The following C4orf36 variants were observed in gnomAD, a reference collection of about 807,000 sequenced individuals.
C4orf36 encodes uncharacterized protein C4orf36.
Under a neutral mutation model 12.2 loss-of-function variants are expected in C4orf36, and 11 were observed. The ratio of observed to expected loss-of-function variants is 0.90; its 90% CI spans 0.57 to 1.49. The LOEUF (loss-of-function observed/expected upper bound fraction) is 1.49, where lower values mean the gene tolerates loss of function less well. C4orf36 is among the 40% of genes most tolerant of loss of function. The pLI is 0.00. For missense variants in C4orf36, 137 were observed against 133.9 expected, an observed-to-expected ratio of 1.02 and a Z score of -0.11; for synonymous variants, 54 against 51.3, an observed-to-expected ratio of 1.05 and a Z score of -0.22.
chr4:86,879,835 G>A (rs1747004909), intron 4 of C4orf36, among the ~76,000 whole-genome samples: 1 of 138,526 alleles, frequency 7.2e-6, no homozygotes, highest in Admixed American at 7.9e-5. Context: ...TAGACTATAA[G>A]CAGTTTGTTT....
chr4:86,887,736 A>G, intron 4 of C4orf36, 22 bp downstream of exon 4: 1 of 1,614,044 alleles, frequency 6.2e-7, no homozygotes. Flanking sequence ...GACACAGAGT[A>G]CAGATTCAAT....
At chr4:86,879,122 G>A (rs1746988366) in intron 4 of C4orf36, among the ~76,000 whole-genome samples, 1 of 152,144 alleles carries the variant, frequency 6.6e-6, no homozygotes, top group South Asian at 2.1e-4. Flanking sequence ...AATGCCCAAA[G>A]CTCAACAAAA....
chr4:86,916,052 G>C, the C4orf36 span, among the ~76,000 whole-genome samples: 1 of 152,178 alleles, frequency 6.6e-6, no homozygotes, highest in Non-Finnish European at 1.5e-5. Flanking sequence ...TTGCTTTAAG[G>C]CACTTGGTTT....
upstream of C4orf36, among the ~76,000 whole-genome samples, chr4:86,896,939 T>C (rs547112765): frequency 6.6e-6 from 1 of 152,214 alleles, no homozygotes; most frequent in African/African-American, 2.4e-5. Flanking sequence ...TTTTAAAGTA[T>C]ATTGCTGGCC....
chr4:86,909,191 A>G, the C4orf36 span, among the ~76,000 whole-genome samples: 8,968 of 152,292 alleles, frequency 0.059, 367 homozygotes, highest in Non-Finnish European at 0.093. Flanking sequence ...TCTGGGAACT[A>G]TAGTTCCAAC....
At chr4:86,913,391 T>C in the C4orf36 span, 1 of 774,270 alleles carries the variant, frequency 1.3e-6, no homozygotes, top group Non-Finnish European at 2.3e-6. Flanking sequence ...GTGATGCTAT[T>C]CGGGTGCAGC....
chr4:86,900,181 G>A, the C4orf36 span, among the ~76,000 whole-genome samples: 13 of 124,300 alleles, frequency 1.0e-4, no homozygotes, highest in Middle Eastern at 4.2e-3. Flanking sequence ...GACTACAGGC[G>A]CCTGCCACAC....
upstream of C4orf36, among the ~76,000 whole-genome samples, chr4:86,893,463 G>C (rs1305133617): frequency 1.3e-5 from 2 of 152,044 alleles, no homozygotes; most frequent in East Asian, 1.9e-4. Flanking sequence ...GCGCGCGCCT[G>C]TCGTCCCAGC....
intron 4 of C4orf36, among the ~76,000 whole-genome samples, chr4:86,885,031 C>T (rs1007079945): frequency 6.6e-6 from 1 of 152,154 alleles, no homozygotes; most frequent in Non-Finnish European, 1.5e-5. Context: ...GGTATTATTT[C>T]TGAGGGCTCT....
chr4:86,908,543 TG>T, the C4orf36 span, among the ~76,000 whole-genome samples: 1 of 150,984 alleles, frequency 6.6e-6, no homozygotes, highest in Non-Finnish European at 1.5e-5. Flanking sequence ...TAGCCAAAAG[TG>T]TGCAGAAGAG....
At chr4:86,884,298 A>T (rs62305639) in intron 4 of C4orf36, among the ~76,000 whole-genome samples, 1 of 125,250 alleles carries the variant, frequency 8.0e-6, no homozygotes. Flanking sequence ...AAAAAGACTG[A>T]ATTTTTTTTT....
At chr4:86,919,703 A>G in the C4orf36 span, among the ~76,000 whole-genome samples, 20 of 152,312 alleles carry the variant, frequency 1.3e-4, no homozygotes, top group African/African-American at 4.6e-4. Context: ...TGTGGTTAAA[A>G]GTAGCCACAC....
the C4orf36 span, among the ~76,000 whole-genome samples, chr4:86,904,852 A>G: frequency 6.6e-6 from 1 of 152,132 alleles, no homozygotes; most frequent in Non-Finnish European, 1.5e-5. Flanking sequence ...GCTGTTAAGG[A>G]CTGAATTGTG....
At position 86,892,207 on chromosome 4, in the gene C4orf36, C is replaced by A; in HGVS notation, c.-98G>T. The stretch of plus-strand genomic sequence containing the variant: ...CCTGGGCCCCACCCTGCCTCCGACT[C>A]GCCAGGAATGCGCTGTGTGCGCGGG... On this transcript the variant is annotated 5_prime_UTR_variant, in exon 1 of 5. Coordinates refer to ENST00000295898, the MANE Select transcript of C4orf36 (RefSeq NM_144645.4). 1.0e-6 allele frequency: 1 copy of A among 985,610 alleles called. No homozygotes were observed. Among genetic ancestry groups the A allele is most frequent in the South Asian group, 4.7e-5 (1 of 21,294 alleles). 61.1% of individuals were successfully genotyped at this position (985,610 alleles called of 1,614,324 possible). A position where few individuals can be genotyped will look rare whatever the true frequency, so the allele number is the denominator to read the frequency against.
At chr4:86,917,049 G>A in the C4orf36 span, among the ~76,000 whole-genome samples, 1 of 152,140 alleles carries the variant, frequency 6.6e-6, no homozygotes, top group African/African-American at 2.4e-5. Context: ...AGGCCAAGGT[G>A]GGAAGATTTC....
intron 2 of C4orf36, 150 bp from the exon 3 acceptor site, chr4:86,888,425 T>A: frequency 1.5e-6 from 1 of 665,204 alleles, no homozygotes; most frequent in Non-Finnish European, 2.5e-6. Flanking sequence ...TCCAGAGTTG[T>A]AGTTCCAGAC....
intron 4 of C4orf36, among the ~76,000 whole-genome samples, chr4:86,878,642 C>A (rs1396153829): frequency 6.6e-6 from 1 of 152,182 alleles, no homozygotes; most frequent in Non-Finnish European, 1.5e-5. Context: ...AAAATTCTAA[C>A]CCCATTTTTC....
At chr4:86,922,455 A>T in the C4orf36 span, among the ~76,000 whole-genome samples, 2 of 152,186 alleles carry the variant, frequency 1.3e-5, no homozygotes, top group Non-Finnish European at 2.9e-5. Context: ...CCTTAGTCCA[A>T]AGCAATCTTT....
the C4orf36 span, among the ~76,000 whole-genome samples, chr4:86,919,418 G>A: frequency 1.1e-3 from 161 of 144,382 alleles, 1 homozygote; most frequent in African/African-American, 3.9e-3. Flanking sequence ...TACCTCCTGG[G>A]TTCAAGTGAT....
Sources: allele counts gnomAD v4.1 joint callset (sites outside exome capture counted in the v4.1 genomes callset), GRCh38; gene constraint gnomAD v4.1.1; transcripts MANE v1.5; gene names NCBI Gene and HGNC (gene_info 2026-07-23, HGNC 2026-07-21).